MRPS31: variants seen among roughly 807,000 people sequenced by gnomAD.
MRPS31 encodes small ribosomal subunit protein mS31.
A neutral mutation model predicts 43.1 loss-of-function variants in MRPS31; 32 were observed. That is an observed-to-expected ratio of 0.74 (90% CI 0.56 to 1.00). MRPS31 has a LOEUF of 1.00. MRPS31 is among the 50% of genes least tolerant of loss of function. The pLI, the probability that MRPS31 is intolerant of heterozygous loss-of-function variation, is 0.00. For missense variants in MRPS31, 437 were observed against 466.7 expected (o/e 0.94, Z 0.59); for synonymous variants, 165 against 161.6 (o/e 1.02, Z -0.16).
At chr13:40,753,909 G>A in intron 5 of MRPS31, 110 bp downstream of exon 5, 2 of 715,710 alleles carry the variant, frequency 2.8e-6, no homozygotes, top group Non-Finnish European at 4.6e-6. Context: ...GCAGGATCCA[G>A]GCCAATGACA....
chr13:40,758,959 T>C lies in MRPS31; in HGVS notation c.588A>G (p.Arg196=). The C allele has an allele frequency of 1.9e-6, 3 of 1,578,410 alleles. No homozygotes were observed. The highest frequency in any genetic ancestry group is 2.6e-6 in the Non-Finnish European group (3 of 1,166,328). The change falls in exon 3 of 7, where the codon CGA becomes CGG. Residue 196 remains arginine, a synonymous_variant. Coordinates refer to ENST00000323563, the MANE Select transcript of MRPS31 (RefSeq NM_005830.4). ...TTTGATTCACTCACCTAATTTTAGG[T>C]CGCTTTGCATCTCTCTGTGCCCTTG... ...EESRAQRDAK[R]PKISFSNIIS...
At chr13:40,736,507 A>C (rs1406517563) in intron 6 of MRPS31, among the ~76,000 whole-genome samples, 1 of 147,976 alleles carries the variant, frequency 6.8e-6, no homozygotes, top group Non-Finnish European at 1.5e-5. Flanking sequence ...AAATGAAGGA[A>C]AAAATGTTAA....
intron 6 of MRPS31, among the ~76,000 whole-genome samples, chr13:40,746,039 A>AT (rs1263900405): frequency 6.6e-6 from 1 of 152,244 alleles, no homozygotes; most frequent in Non-Finnish European, 1.5e-5. Flanking sequence ...ATTTATATGC[A>AT]TTAAGTGGCA....
intron 6 of MRPS31, among the ~76,000 whole-genome samples, chr13:40,733,731 G>A (rs531342835): frequency 3.9e-4 from 59 of 152,318 alleles, no homozygotes; most frequent in African/African-American, 1.4e-3. Flanking sequence ...ACTCTGGGAG[G>A]ATGAGGCGAG....
chr13:40,767,168 T>A lies in MRPS31; in HGVS notation c.153-135A>T. 4.0e-6 allele frequency: 3 copies of A among 743,376 alleles called. No homozygotes were observed. The South Asian group carries it at 6.6e-5, about 16-fold the overall frequency. The allele number at this position is 743,376 out of a possible 1,614,324, so 46.0% of individuals were successfully genotyped here. On this transcript the variant is annotated intron_variant, in intron 1 of 6. Transcript: ENST00000323563. ...ATTCAAGCCCTTTCCGTTGCTTTTT[T>A]TTTTTTGAGACGGAGTTTCGCTCTT...
At chr13:40,764,353 A>G (rs916123044) in intron 2 of MRPS31, among the ~76,000 whole-genome samples, 3 of 152,086 alleles carry the variant, frequency 2.0e-5, no homozygotes, top group African/African-American at 7.3e-5. Flanking sequence ...GTAAGTAGTT[A>G]TATTGTATTT....
intron 4 of MRPS31, among the ~76,000 whole-genome samples, chr13:40,755,525 T>A (rs375374378): frequency 6.6e-6 from 1 of 152,194 alleles, no homozygotes. Context: ...ATGGAGGCTA[T>A]AAAAGGTGCC....
intron 6 of MRPS31, chr13:40,731,170 C>T (rs1447325339): frequency 2.0e-5 from 3 of 151,524 alleles, no homozygotes; most frequent in Admixed American, 1.3e-4. Context: ...GGGAGGATCA[C>T]CTGAGCCTGG....
rs66521234 is a variant in MRPS31, at chr13:40,750,742, TTATATATATATATATA to T, written c.815-1477_815-1462del. On this transcript the variant is annotated intron_variant, in intron 5 of 6. Coordinates refer to ENST00000323563, the MANE Select transcript of MRPS31 (RefSeq NM_005830.4). ...TGAATGCTTGCATTAGTATCCCATT[TTATATATATATATATA>T]TATATATATATATATTACATATATA... Among the ~76,000 whole-genome samples, 17 of 130,842 alleles carry T rather than the reference TTATATATATATATATA, an allele frequency of 1.3e-4. No homozygotes were observed. The South Asian group carries it at 2.8e-3, about 21-fold the overall frequency. The allele number at this position is 130,842 out of a possible 152,430, so 85.8% of individuals were successfully genotyped here. A position where few individuals can be genotyped will look rare whatever the true frequency, so the allele number is the denominator to read the frequency against.
chr13:40,746,496 G>T (rs543994200), intron 6 of MRPS31, among the ~76,000 whole-genome samples: 69 of 152,212 alleles, frequency 4.5e-4, no homozygotes, highest in Non-Finnish European at 1.3e-4. Flanking sequence ...CATGTGGATA[G>T]CTGTCACATT....
rs867649765 is a variant in MRPS31 at position 40,735,424 on chromosome 13, C to T, written c.959-5823G>A. 3.2e-3 allele frequency among the ~76,000 whole-genome samples: 491 copies of T among 152,278 alleles called. 5 individuals carry two copies. Among genetic ancestry groups the T allele is most frequent in the African/African-American group, 0.011 (465 of 41,566 alleles). The stretch of plus-strand genomic sequence containing the variant: ...CCAGGAAGCTCGAACTGGGTGGAGC[C>T]CACCACAGCTCAAGGAGGCCTGCCT... On this transcript the variant is annotated intron_variant, in intron 6 of 6. Transcript: ENST00000323563.
At chr13:40,770,857 T>G in intron 1 of MRPS31, 128 bp downstream of exon 1, 1 of 1,285,540 alleles carries the variant, frequency 7.8e-7, no homozygotes, top group East Asian at 2.3e-5. Context: ...GCAAGTCATC[T>G]TTTCTTTCTG....
chr13:40,760,208 G>A (rs535637286), intron 2 of MRPS31, among the ~76,000 whole-genome samples: 160 of 149,192 alleles, frequency 1.1e-3, no homozygotes, highest in African/African-American at 3.9e-3. Context: ...CTAATCTGAG[G>A]TGAAAAAAAA....
intron 3 of MRPS31, among the ~76,000 whole-genome samples, 191 bp downstream of exon 3, chr13:40,758,757 G>GT (rs1407884526): frequency 1.3e-5 from 2 of 151,926 alleles, no homozygotes; most frequent in African/African-American, 4.8e-5. Flanking sequence ...TTATTCAATT[G>GT]TTTTTTTAAA....
intron 6 of MRPS31, among the ~76,000 whole-genome samples, chr13:40,735,287 C>A (rs184158904): frequency 1.1e-4 from 17 of 152,200 alleles, no homozygotes; most frequent in African/African-American, 3.6e-4. Flanking sequence ...CCTACGCCCA[C>A]GGAGTCTCGC....
intron 6 of MRPS31, among the ~76,000 whole-genome samples, chr13:40,734,356 C>G (rs1879810105): frequency 6.6e-6 from 1 of 152,110 alleles, no homozygotes; most frequent in South Asian, 2.1e-4. Flanking sequence ...GATAGGAAGA[C>G]AGTTGTGCCA....
Position 40,762,004 on chromosome 13 carries a change from G to A in MRPS31, c.441-2898C>T, listed in dbSNP as rs185203002. Among the ~76,000 whole-genome samples the A allele has an allele frequency of 2.5e-3, 381 of 152,126 alleles. 1 individual carries two copies. The highest frequency in any genetic ancestry group is 9.0e-3 in the African/African-American group (372 of 41,504). On this transcript the variant is annotated intron_variant, in intron 2 of 6. Transcript: ENST00000323563. Reference sequence around the variant, plus strand: ...CGCCTGTTATCCCAGCACTTTGGGAGGCCAAGGTGGGCAGATTACTTGAGT... The same window carrying A: ...CGCCTGTTATCCCAGCACTTTGGGAAGCCAAGGTGGGCAGATTACTTGAGT...
intron 1 of MRPS31, among the ~76,000 whole-genome samples, chr13:40,769,421 T>TATATATATATATATATA (rs10684050): frequency 8.3e-6 from 1 of 120,110 alleles, no homozygotes; most frequent in Non-Finnish European, 1.7e-5. Flanking sequence ...TATATATATA[T>TATATATATATATATATA]TATCAAGTTC....
intron 6 of MRPS31, among the ~76,000 whole-genome samples, chr13:40,735,651 G>A (rs1429861167): frequency 1.3e-5 from 2 of 152,084 alleles, no homozygotes; most frequent in African/African-American, 2.4e-5. Context: ...TAACTGGGAG[G>A]CACCCACCAG....
Sources: allele counts gnomAD v4.1 joint callset (sites outside exome capture counted in the v4.1 genomes callset), GRCh38; gene constraint gnomAD v4.1.1; transcripts MANE v1.5; gene names NCBI Gene and HGNC (gene_info 2026-07-23, HGNC 2026-07-21).